The following NCALD variants were observed in gnomAD, a reference collection of about 807,000 sequenced individuals.
NCALD encodes neurocalcin-delta.
Under a neutral mutation model 18.6 loss-of-function variants are expected in NCALD, and 10 were observed. That is an observed-to-expected ratio of 0.54 (90% CI 0.33 to 0.91). The LOEUF is 0.91. NCALD is among the 40% of genes least tolerant of loss of function. The pLI is 0.03. For missense variants in NCALD, 184 were observed against 247.6 expected, an observed-to-expected ratio of 0.74 and a Z score of 1.72; for synonymous variants, 88 against 87.4, an observed-to-expected ratio of 1.01 and a Z score of -0.04.
intron 2 of NCALD, among the ~76,000 whole-genome samples, chr8:101,973,169 C>A (rs1026444565): frequency 3.3e-5 from 5 of 152,102 alleles, no homozygotes; most frequent in African/African-American, 7.2e-5. Context: ...AACAGAGGAC[C>A]ACACTTTGTT....
At chr8:101,933,170 C>T (rs1818640119) in intron 2 of NCALD, among the ~76,000 whole-genome samples, 1 of 152,188 alleles carries the variant, frequency 6.6e-6, no homozygotes, top group Non-Finnish European at 1.5e-5. Flanking sequence ...CAAATATGTC[C>T]ATGTCCTAGT....
At chr8:102,038,649 A>G (rs1056107006) in intron 1 of NCALD, among the ~76,000 whole-genome samples, 2 of 152,074 alleles carry the variant, frequency 1.3e-5, no homozygotes, top group African/African-American at 4.8e-5. Flanking sequence ...TTCATTAGTA[A>G]CCCATTCCAC....
At chr8:101,783,760 G>T (rs1812111268) in intron 1 of NCALD, among the ~76,000 whole-genome samples, 1 of 152,196 alleles carries the variant, frequency 6.6e-6, no homozygotes, top group South Asian at 2.1e-4. Context: ...CATGCAGTCT[G>T]GCCTCAGTGT....
intron 1 of NCALD, among the ~76,000 whole-genome samples, chr8:102,049,486 A>G (rs1193898573): frequency 6.6e-6 from 1 of 152,230 alleles, no homozygotes; most frequent in East Asian, 1.9e-4. Context: ...AGTATAAGCA[A>G]CGTTGCTGTA....
At chr8:101,994,753 G>T (rs1341971263) in intron 2 of NCALD, among the ~76,000 whole-genome samples, 1 of 152,224 alleles carries the variant, frequency 6.6e-6, no homozygotes, top group Non-Finnish European at 1.5e-5. Context: ...TGATGAAATA[G>T]AATAGAGTAG....
chr8:101,932,429 T>G (rs1484427577), intron 2 of NCALD, among the ~76,000 whole-genome samples: 1 of 152,202 alleles, frequency 6.6e-6, no homozygotes, highest in Non-Finnish European at 1.5e-5. Context: ...GAAACCAAAC[T>G]AAGCCATCTC....
intron 2 of NCALD, among the ~76,000 whole-genome samples, chr8:101,956,303 C>A (rs766728783): frequency 9.2e-5 from 14 of 152,204 alleles, no homozygotes; most frequent in Non-Finnish European, 2.1e-4. Context: ...GGAAAGGTAA[C>A]ATGTTTTAGA....
At chr8:101,976,884 C>A (rs939067365) in intron 2 of NCALD, among the ~76,000 whole-genome samples, 11 of 152,150 alleles carry the variant, frequency 7.2e-5, no homozygotes, top group African/African-American at 2.4e-4. Flanking sequence ...GAAGGAGAAA[C>A]ACAGACACTA....
At chr8:101,761,501 A>G (rs537382493) in intron 1 of NCALD, among the ~76,000 whole-genome samples, 31 of 151,878 alleles carry the variant, frequency 2.0e-4, no homozygotes, top group Middle Eastern at 6.8e-3. Context: ...TATAATAAAA[A>G]CTCTCCAGAA....
chr8:101,992,732 T>C (rs1405986789), intron 2 of NCALD, among the ~76,000 whole-genome samples: 1 of 152,104 alleles, frequency 6.6e-6, no homozygotes, highest in Admixed American at 6.5e-5. Flanking sequence ...ATTCACATCG[T>C]TGTCCATGTG....
At chr8:102,011,809 T>G (rs940449624) in intron 2 of NCALD, among the ~76,000 whole-genome samples, 4 of 152,212 alleles carry the variant, frequency 2.6e-5, no homozygotes, top group Non-Finnish European at 4.4e-5. Flanking sequence ...ATTTTCTAAT[T>G]TAAGATCATC....
chr8:101,974,121 TC>T (rs11308558), intron 2 of NCALD, among the ~76,000 whole-genome samples: 60,225 of 151,856 alleles, frequency 0.4, 12,152 homozygotes, highest in South Asian at 0.45. Context: ...TCAATAATCC[TC>T]CCCCAAAGCC....
At position 102,075,669 on chromosome 8, in the gene NCALD, C is replaced by T. The variant is rs143626452; in HGVS notation, c.-210+48568G>A. On this transcript the variant is annotated intron_variant, in intron 1 of 6. Transcript: ENST00000311028. ...ATCAAGACTCATGAAAATGTTTCCA[C>T]GTTGGCTAGGTGCGGTAGCTCATGC... is the stretch of plus-strand genomic sequence containing the variant. Among the ~76,000 whole-genome samples, 165 of 152,214 alleles carry T rather than the reference C, an allele frequency of 1.1e-3. 1 individual carries two copies. The highest frequency in any genetic ancestry group is 3.4e-3 in the African/African-American group (141 of 41,540).
intron 2 of NCALD, among the ~76,000 whole-genome samples, chr8:101,997,131 C>T (rs1470852334): frequency 6.6e-6 from 1 of 152,164 alleles, no homozygotes; most frequent in Non-Finnish European, 1.5e-5. Flanking sequence ...TTCCATTAAG[C>T]TCATTTAAGC....
chr8:102,058,494 T>A (rs1395776625), intron 1 of NCALD, among the ~76,000 whole-genome samples: 1 of 152,200 alleles, frequency 6.6e-6, no homozygotes, highest in East Asian at 1.9e-4. Flanking sequence ...TTCTCTAAAA[T>A]AGTCAATCAA....
chr8:102,043,712 G>A (rs1271900192), intron 1 of NCALD, among the ~76,000 whole-genome samples: 1 of 149,934 alleles, frequency 6.7e-6, no homozygotes, highest in African/African-American at 2.5e-5. Context: ...AGAAGGGGCA[G>A]GGGACAGGGA....
rs990414518 is a variant in NCALD at position 102,021,277 on chromosome 8, A to G, written c.-209-988T>C. On this transcript the variant is annotated intron_variant, in intron 1 of 6. Transcript: ENST00000311028. ...GCTATCCTCAGTCCTTAGCTTTCCA[A>G]TTCATCTTTTGATTCATATTGATAA... 2.6e-5 allele frequency among the ~76,000 whole-genome samples: 4 copies of G among 152,162 alleles called. No individual in the cohort carries two copies. In the South Asian group the frequency reaches 8.3e-4, roughly 31 times the overall value.
intron 4 of NCALD, among the ~76,000 whole-genome samples, chr8:101,842,058 C>T (rs775712333): frequency 2.6e-5 from 4 of 152,086 alleles, no homozygotes; most frequent in Admixed American, 6.6e-5. Flanking sequence ...AAGGTGTCAA[C>T]AGGGTTGGTT....
chr8:101,810,407 T>G (rs192456748), intron 4 of NCALD, among the ~76,000 whole-genome samples: 2 of 152,302 alleles, frequency 1.3e-5, no homozygotes, highest in Admixed American at 1.3e-4. Context: ...AGGAGAATAA[T>G]TAAGAAATGT....
Sources: gnomAD v4.1 joint callset for allele counts (sites outside exome capture counted in the v4.1 genomes callset) on GRCh38, gnomAD v4.1.1 for gene constraint, MANE v1.5 for transcripts, NCBI Gene and HGNC (gene_info 2026-07-23, HGNC 2026-07-21) for gene names.